UBE2D2: variants seen among roughly 807,000 people sequenced by gnomAD.
UBE2D2 encodes ubiquitin conjugating enzyme E2 D2.
A neutral mutation model predicts 24.2 loss-of-function variants in UBE2D2; 2 were observed. The ratio of observed to expected loss-of-function variants is 0.08; its 90% CI spans 0.03 to 0.26. UBE2D2 has a LOEUF of 0.26. UBE2D2 is among the 10% of genes least tolerant of loss of function. UBE2D2 has a pLI of 1.00. For synonymous variants in UBE2D2, 58 were observed against 56.5 expected (o/e 1.03, Z -0.12); for missense variants, 44 against 177.6 (o/e 0.25, Z 4.28).
At chr5:139,626,277 C>T (rs1404584017) in intron 6 of UBE2D2, among the ~76,000 whole-genome samples, 1 of 152,030 alleles carries the variant, frequency 6.6e-6, no homozygotes, top group Non-Finnish European at 1.5e-5. Context: ...ATCATGTTGC[C>T]CAGGCTGGTG....
At chr5:139,602,684 A>G (rs572176292) in intron 2 of UBE2D2, among the ~76,000 whole-genome samples, 1 of 152,100 alleles carries the variant, frequency 6.6e-6, no homozygotes. Flanking sequence ...CTCAAAACAA[A>G]AACAACAACA....
chr5:139,548,193 A>AAAAAAAAAT lies in UBE2D2; in HGVS notation c.-64+21584_-64+21585insAAAAATAAA. Reference sequence around the variant, plus strand: ...AAAAAAAAAAAAAAAATAAAAAAAAAAAATAAATAAATAAATAAATAAACG... The same window carrying AAAAAAAAAT: ...AAAAAAAAAAAAAAAATAAAAAAAAAAAAAAAAATAAATAAATAAATAAATAAATAAACG... On this transcript the variant is annotated intron_variant, in intron 1 of 6. Transcript: ENST00000511725. Among the ~76,000 whole-genome samples, 39 of 47,078 alleles carry AAAAAAAAAT rather than the reference A, an allele frequency of 8.3e-4. 1 individual carries two copies. The highest frequency in any genetic ancestry group is 1.0e-3 in the Non-Finnish European group (27 of 26,336). 30.9% of individuals were successfully genotyped at this position (47,078 alleles called of 152,430 possible).
At chr5:139,562,896 A>C (rs931317195) in intron 1 of UBE2D2, among the ~76,000 whole-genome samples, 8 of 151,954 alleles carry the variant, frequency 5.3e-5, no homozygotes, top group African/African-American at 1.9e-4. Context: ...TCACTTGGCT[A>C]CTCAGATTGG....
At chr5:139,580,620 G>T (rs905390103) in intron 1 of UBE2D2, among the ~76,000 whole-genome samples, 2 of 152,090 alleles carry the variant, frequency 1.3e-5, no homozygotes, top group African/African-American at 4.8e-5. Flanking sequence ...CTAATTTCTT[G>T]TATTTTTAGT....
At position 139,572,510 on chromosome 5, in the gene UBE2D2, C is replaced by T. The variant is rs145788466; in HGVS notation, c.24+10695C>T. On this transcript the variant is annotated intron_variant, in intron 1 of 6. Coordinates refer to ENST00000398733, the MANE Select transcript of UBE2D2 (RefSeq NM_003339.3). ...ACTCAAAAGGCCAAGACAGGAGGATCGCTTGAGCCCAGGAGTTTAAGGCTG... is the reference window on the plus strand; with the variant it reads ...ACTCAAAAGGCCAAGACAGGAGGATTGCTTGAGCCCAGGAGTTTAAGGCTG... Among the ~76,000 whole-genome samples, 1,167 of 152,114 alleles carry T rather than the reference C, an allele frequency of 7.7e-3. 12 individuals carry two copies. Among genetic ancestry groups the T allele is most frequent in the Non-Finnish European group, 0.012 (793 of 67,994 alleles).
At chr5:139,581,753 C>G (rs1339469130) in intron 1 of UBE2D2, among the ~76,000 whole-genome samples, 1 of 152,082 alleles carries the variant, frequency 6.6e-6, no homozygotes, top group African/African-American at 2.4e-5. Context: ...ACTGCAACCT[C>G]TGCCTCCCGA....
At chr5:139,533,075 T>C (rs1329418526) in intron 1 of UBE2D2, among the ~76,000 whole-genome samples, 1 of 149,266 alleles carries the variant, frequency 6.7e-6, no homozygotes, top group Non-Finnish European at 1.5e-5. Flanking sequence ...GCCACTGGAC[T>C]CCAGCCTGGG....
At chr5:139,581,352 G>A (rs1753598792) in intron 1 of UBE2D2, among the ~76,000 whole-genome samples, 1 of 152,024 alleles carries the variant, frequency 6.6e-6, no homozygotes, top group African/African-American at 2.4e-5. Flanking sequence ...AGGAGGCTGA[G>A]GCAGGATAAT....
At chr5:139,581,552 TAATGA>T (rs992623092) in intron 1 of UBE2D2, among the ~76,000 whole-genome samples, 5 of 151,718 alleles carry the variant, frequency 3.3e-5, no homozygotes, top group African/African-American at 9.8e-5. Context: ...TGCATATACA[TAATGA>T]AATGAGATAT....
intron 1 of UBE2D2, among the ~76,000 whole-genome samples, chr5:139,590,782 CTTTTT>C (rs57962602): frequency 7.8e-5 from 3 of 38,422 alleles, no homozygotes; most frequent in African/African-American, 1.9e-4. Context: ...TTCTCTTCTT[CTTTTT>C]TTTTTTTTTT....
intron 2 of UBE2D2, among the ~76,000 whole-genome samples, chr5:139,612,829 A>G (rs1754351279): frequency 6.6e-6 from 1 of 152,264 alleles, no homozygotes; most frequent in Non-Finnish European, 1.5e-5. Flanking sequence ...TTTCAGAAAC[A>G]GGGTCTTGCT....
chr5:139,571,508 C>T (rs1753351426), intron 1 of UBE2D2, among the ~76,000 whole-genome samples: 1 of 151,778 alleles, frequency 6.6e-6, no homozygotes, highest in Non-Finnish European at 1.5e-5. Flanking sequence ...TTCAATAATT[C>T]TGTTCTCCCC....
In UBE2D2 at chr5:139,628,330, C is replaced by G. The variant is rs1261447116; in HGVS notation, c.*1529C>G. 1.3e-5 allele frequency: 2 copies of G among 152,656 alleles called. No homozygotes were observed. Among genetic ancestry groups the G allele is most frequent in the African/African-American group, 4.8e-5 (2 of 41,474 alleles). 9.5% of individuals were successfully genotyped at this position (152,656 alleles called of 1,614,324 possible). On this transcript the variant is annotated 3_prime_UTR_variant, in exon 7 of 7. Coordinates refer to ENST00000398733, the MANE Select transcript of UBE2D2 (RefSeq NM_003339.3). ...TTTTCCTAATTGTAAACTAGGCCAA[C>G]CTGAAAGCCATGGCTGATGCTCTAG...
In UBE2D2 at chr5:139,529,167, C is replaced by A. The variant is rs765703719; in HGVS notation, c.-64+2555C>A. Among the ~76,000 whole-genome samples the A allele has an allele frequency of 1.5e-3, 228 of 152,226 alleles. 2 individuals carry two copies. Among genetic ancestry groups the A allele is most frequent in the Non-Finnish European group, 5.6e-4 (38 of 68,026 alleles). On this transcript the variant is annotated intron_variant, in intron 1 of 6. Transcript: ENST00000511725. ...GAATGCCTAAGAACTCCAAAAGGAA[C>A]CTGTTTGTATAATAACACTCAGTAT... is the stretch of plus-strand genomic sequence containing the variant.
At chr5:139,549,168 C>T (rs952284963) in intron 1 of UBE2D2, among the ~76,000 whole-genome samples, 60 of 152,238 alleles carry the variant, frequency 3.9e-4, no homozygotes, top group Non-Finnish European at 5.9e-5. Context: ...GGTTCTAAAC[C>T]ACTGAGAGGT....
intron 1 of UBE2D2, among the ~76,000 whole-genome samples, chr5:139,570,165 G>T (rs911561262): frequency 2.0e-5 from 3 of 152,120 alleles, no homozygotes; most frequent in Non-Finnish European, 4.4e-5. Flanking sequence ...TACTCAGGAG[G>T]CTGAGACAGG....
At chr5:139,594,861 T>A (rs1329394609) in intron 1 of UBE2D2, among the ~76,000 whole-genome samples, 1 of 152,192 alleles carries the variant, frequency 6.6e-6, no homozygotes, top group African/African-American at 2.4e-5. Context: ...TACCAAAATC[T>A]ACAGATGCTC....
chr5:139,527,029 G>A (rs1343557951), intron 1 of UBE2D2, among the ~76,000 whole-genome samples: 1 of 152,016 alleles, frequency 6.6e-6, no homozygotes, highest in African/African-American at 2.4e-5. Flanking sequence ...TGGGTCAGGC[G>A]CAAAGTAAGC....
At chr5:139,535,231 G>A (rs1408125077) in intron 1 of UBE2D2, among the ~76,000 whole-genome samples, 1 of 151,496 alleles carries the variant, frequency 6.6e-6, no homozygotes, top group Non-Finnish European at 1.5e-5. Flanking sequence ...TGGGTCACGA[G>A]GTCAGGAGTT....
Sources: gnomAD v4.1 joint callset for allele counts (sites outside exome capture counted in the v4.1 genomes callset) on GRCh38, gnomAD v4.1.1 for gene constraint, MANE v1.5 for transcripts, NCBI Gene and HGNC (gene_info 2026-07-23, HGNC 2026-07-21) for gene names.